Variants in UVRAG observed in about 807,000 individuals in gnomAD.
UVRAG encodes the protein UV radiation resistance associated, also known as UV radiation resistance-associated gene protein.
UVRAG carries 19 observed loss-of-function variants against 78.0 expected under a neutral mutation model. The ratio of observed to expected loss-of-function variants is 0.24; its 90% CI spans 0.17 to 0.36. UVRAG has a LOEUF of 0.36. Among genes scored for constraint, UVRAG ranks in the 10% least tolerant of loss-of-function variants. The probability of loss-of-function intolerance (pLI) is 1.00; values close to 1 mark genes in which losing one functional copy is unlikely to be tolerated. For synonymous variants in UVRAG, 323 were observed against 324.6 expected (o/e 1.00, Z 0.05); for missense variants, 740 against 853.8 (o/e 0.87, Z 1.66).
At chr11:76,129,538 C>T (rs1321757601) in intron 14 of UVRAG, among the ~76,000 whole-genome samples, 2 of 152,180 alleles carry the variant, frequency 1.3e-5, no homozygotes, top group Admixed American at 6.5e-5. Flanking sequence ...AGTGCCCATG[C>T]GTTTTTCTAC....
At chr11:76,079,447 T>G (rs1951459159) in intron 13 of UVRAG, among the ~76,000 whole-genome samples, 1 of 151,334 alleles carries the variant, frequency 6.6e-6, no homozygotes, top group African/African-American at 2.4e-5. Context: ...ATTGTGCCAC[T>G]GCACTCCAGC....
chr11:75,847,903 G>A lies in UVRAG; in HGVS notation c.118-3980G>A, dbSNP rs190244512. Among the ~76,000 whole-genome samples, 1,103 of 151,170 alleles carry A rather than the reference G, an allele frequency of 7.3e-3. 15 individuals are homozygous for A. Among genetic ancestry groups the A allele is most frequent in the Non-Finnish European group, 0.013 (858 of 67,898 alleles). On this transcript the variant is annotated intron_variant, in intron 1 of 14. Coordinates refer to ENST00000356136, the MANE Select transcript of UVRAG (RefSeq NM_003369.4). Reference sequence around the variant, plus strand: ...GGGGAAATGCTTGAACCCGGGAGGCGGAGATTGCAGTGAGCCGAGATCGCA... The same window carrying A: ...GGGGAAATGCTTGAACCCGGGAGGCAGAGATTGCAGTGAGCCGAGATCGCA...
chr11:75,893,183 A>G (rs976787341), intron 5 of UVRAG, among the ~76,000 whole-genome samples: 5 of 152,046 alleles, frequency 3.3e-5, no homozygotes, highest in Non-Finnish European at 7.4e-5. Flanking sequence ...TCTCAAAAAA[A>G]AAAAGAAAAA....
At chr11:75,890,542 G>A (rs996629844) in intron 5 of UVRAG, among the ~76,000 whole-genome samples, 2 of 152,188 alleles carry the variant, frequency 1.3e-5, no homozygotes, top group Admixed American at 6.5e-5. Context: ...AGTGACACTG[G>A]AGGAAAACCA....
intron 13 of UVRAG, among the ~76,000 whole-genome samples, chr11:76,066,820 C>T (rs934952031): frequency 6.6e-5 from 10 of 152,184 alleles, no homozygotes; most frequent in African/African-American, 2.4e-4. Flanking sequence ...TTTCATTGGA[C>T]ATCCTTCCAA....
chr11:76,045,235 C>T (rs565735183), intron 12 of UVRAG, among the ~76,000 whole-genome samples: 7 of 152,238 alleles, frequency 4.6e-5, no homozygotes, highest in South Asian at 2.1e-4. Context: ...CATATAAGAA[C>T]GTGGAAAACT....
intron 5 of UVRAG, chr11:75,892,528 A>G (rs931304481): frequency 1.9e-6 from 1 of 535,410 alleles, no homozygotes; most frequent in Non-Finnish European, 2.4e-6. Context: ...GGAAGTTGGC[A>G]CAGAGAACTT....
chr11:76,065,776 A>G lies in UVRAG; in HGVS notation c.1293A>G (p.Lys431=), dbSNP rs1461874803. The change falls in exon 13 of 15, where the codon AAA becomes AAG. Residue 431 remains lysine (K), a synonymous_variant. Transcript: ENST00000356136. ...ATTATGGTGTCTATCTTCTGAACAA[A>G]AATATAGCACAGGTAAGTCTCTGTT... is the stretch of plus-strand genomic sequence containing the variant. ...QFDYGVYLLN[K]NIAQLRYQHG... 1 of 1,613,868 alleles carries G rather than the reference A, an allele frequency of 6.2e-7. No individual in the cohort carries two copies. Among genetic ancestry groups the G allele is most frequent in the Admixed American group, 1.7e-5 (1 of 60,036 alleles).
At chr11:76,054,994 C>T (rs79546745) in intron 12 of UVRAG, among the ~76,000 whole-genome samples, 1,818 of 152,306 alleles carry the variant, frequency 0.012, 22 homozygotes, top group Non-Finnish European at 0.02. Flanking sequence ...AATGCTCTTA[C>T]GTCTTCTCTC....
At chr11:76,025,668 G>T (rs7927778) in intron 12 of UVRAG, among the ~76,000 whole-genome samples, 1,653 of 152,136 alleles carry the variant, frequency 0.011, 30 homozygotes, top group African/African-American at 0.038. Flanking sequence ...CCCAAGAGTT[G>T]CCCTTTTTAC....
chr11:75,906,493 G>A (rs189795022), intron 5 of UVRAG, among the ~76,000 whole-genome samples: 7 of 152,030 alleles, frequency 4.6e-5, no homozygotes, highest in African/African-American at 9.6e-5. Flanking sequence ...GATTACAAGC[G>A]CGTGCCATCA....
At chr11:75,879,790 T>C in intron 3 of UVRAG, 89 bp from the exon 4 acceptor site, 1 of 1,535,410 alleles carries the variant, frequency 6.5e-7, no homozygotes, top group Admixed American at 1.9e-5. Context: ...GGTCTTTTGG[T>C]TTTGAAAAAC....
chr11:76,005,944 C>T (rs994906303), intron 9 of UVRAG, among the ~76,000 whole-genome samples: 1 of 152,198 alleles, frequency 6.6e-6, no homozygotes, highest in African/African-American at 2.4e-5. Flanking sequence ...ACATCAATCT[C>T]CAGACACTGC....
At chr11:75,879,749 T>TA (rs1411992468) in intron 3 of UVRAG, 130 bp from the exon 4 acceptor site, 10 of 1,189,048 alleles carry the variant, frequency 8.4e-6, no homozygotes, top group Middle Eastern at 2.0e-4. Context: ...CTTCTTGGCT[T>TA]ACTTAAGTTT....
At chr11:75,883,923 A>T (rs1947013630) in intron 4 of UVRAG, among the ~76,000 whole-genome samples, 1 of 152,198 alleles carries the variant, frequency 6.6e-6, no homozygotes, top group South Asian at 2.1e-4. Context: ...ATATTTAAAT[A>T]TAGGTCTTTG....
chr11:75,854,901 T>A (rs1428621815), intron 2 of UVRAG, among the ~76,000 whole-genome samples: 2 of 152,124 alleles, frequency 1.3e-5, no homozygotes, highest in Non-Finnish European at 2.9e-5. Flanking sequence ...AGTGCCAGAG[T>A]ATTTTAAATT....
At chr11:76,019,909 C>T (rs1314731695) in intron 12 of UVRAG, among the ~76,000 whole-genome samples, 1 of 152,172 alleles carries the variant, frequency 6.6e-6, no homozygotes, top group African/African-American at 2.4e-5. Context: ...TGTGTCCTTC[C>T]CTTCAGGGCA....
chr11:76,016,489 T>C (rs1000332374), intron 11 of UVRAG, among the ~76,000 whole-genome samples: 1 of 152,142 alleles, frequency 6.6e-6, no homozygotes, highest in Non-Finnish European at 1.5e-5. Flanking sequence ...TGTAATAGAC[T>C]CAAGTATTAA....
In UVRAG at chr11:76,051,386, T is replaced by C. The variant is rs77100249; in HGVS notation, c.1227-14324T>C. ...TTGGCAGAATTTTTATTTAACAAAA[T>C]TGACTATTAAAAAAAGACATGGTTT... On this transcript the variant is annotated intron_variant, in intron 12 of 14. Transcript: ENST00000356136. Among the ~76,000 whole-genome samples the C allele has an allele frequency of 6.5e-4, 99 of 152,300 alleles. 1 individual carries two copies. The East Asian group carries it at 0.017, about 26-fold the overall frequency.
Sources: gnomAD v4.1 joint callset for allele counts (sites outside exome capture counted in the v4.1 genomes callset) on GRCh38, gnomAD v4.1.1 for gene constraint, MANE v1.5 for transcripts, NCBI Gene and HGNC (gene_info 2026-07-23, HGNC 2026-07-21) for gene names.